ZNF250: variants seen among roughly 807,000 people sequenced by gnomAD.
The protein encoded by ZNF250 is zinc finger protein (clone 647).
A neutral mutation model predicts 37.1 loss-of-function variants in ZNF250; 13 were observed. The observed-to-expected ratio is 0.35, with a 90% confidence interval of 0.23 to 0.56. The LOEUF (loss-of-function observed/expected upper bound fraction) is 0.56, where lower values mean the gene tolerates loss of function less well. Among genes scored for constraint, ZNF250 ranks in the 20% least tolerant of loss-of-function variants. The pLI is 0.87. For synonymous variants in ZNF250, 251 were observed against 265.6 expected (o/e 0.94, Z 0.54); for missense variants, 474 against 697.9 (o/e 0.68, Z 3.61).
At chr8:144,888,206 T>C (rs573483696) in intron 4 of ZNF250, among the ~76,000 whole-genome samples, 5 of 152,388 alleles carry the variant, frequency 3.3e-5, no homozygotes, top group South Asian at 2.1e-4. Flanking sequence ...TGTACATCTT[T>C]TGTTAGATTA....
rs778531918 is a variant in ZNF250, at chr8:144,882,725, T to G, written c.458A>C (p.Asn153Thr). 1.2e-5 allele frequency: 19 copies of G among 1,613,910 alleles called. No homozygotes were observed. In the Admixed American group the frequency reaches 3.2e-4, roughly 27 times the overall value. ...ACAGAAGCTTTGCTTTGTTTCATTA[T>G]TTTCTTGATCAATCCTCCCCAAGGG... ...KTPLGRIDQE[N>T]NETKQSFCLS... Residue 153 changes from asparagine (N) to threonine (T), a missense_variant, in exon 6 of 6, where the codon AAT (asparagine) becomes ACT (threonine). Asn to Thr is a moderately conservative substitution (Grantham distance 65, BLOSUM62 0). This residue lies in a region of ZNF250 where 192 missense variants were observed against 227.5 expected (regional missense o/e 0.84). Coordinates refer to ENST00000417550, the MANE Select transcript of ZNF250 (RefSeq NM_001109689.4). This position sits in a 1 kb window ranked among gnomAD's most constrained non-coding sequence, Gnocchi z 5.5.
Position 144,890,458 on chromosome 8 carries a change from AG to A in ZNF250, c.-54-56del. The A allele has an allele frequency of 8.7e-7, 1 of 1,146,154 alleles. No homozygotes were observed. The highest frequency in any genetic ancestry group is 2.4e-5 in the South Asian group (1 of 42,422). 71.0% of individuals were successfully genotyped at this position (1,146,154 alleles called of 1,614,324 possible). A position where few individuals can be genotyped will look rare whatever the true frequency, so the allele number is the denominator to read the frequency against. ...CATGGCCTTGAGACCGTAACTTCCT[AG>A]GGGGCCCTCAGGGGATCCCTGGGCC... is the stretch of plus-strand genomic sequence containing the variant. On this transcript the variant is annotated intron_variant, in intron 1 of 5. Coordinates refer to ENST00000417550, the MANE Select transcript of ZNF250 (RefSeq NM_001109689.4). This position sits in a 1 kb window ranked among gnomAD's most constrained non-coding sequence, Gnocchi z 5.1.
chr8:144,890,246 G>A lies in ZNF250; in HGVS notation c.42+62C>T. The A allele has an allele frequency of 6.6e-7, 1 of 1,525,792 alleles. No homozygotes were observed. Among genetic ancestry groups the A allele is most frequent in the Non-Finnish European group, 8.9e-7 (1 of 1,119,106 alleles). 94.5% of individuals were successfully genotyped at this position (1,525,792 alleles called of 1,614,324 possible). On this transcript the variant is annotated intron_variant, in intron 2 of 5. Transcript: ENST00000417550. This position sits in a 1 kb window ranked among gnomAD's most constrained non-coding sequence, Gnocchi z 5.1. ...CTGGCTGCTCTTAGGAGCTCTACGG[G>A]GCACGGAAGGAACCACAGGGCTCGG...
upstream of ZNF250, chr8:144,901,765 T>C (rs1833124720): frequency 1.3e-5 from 2 of 152,618 alleles, no homozygotes; most frequent in African/African-American, 4.8e-5. This position sits in a 1 kb window ranked among gnomAD's most constrained non-coding sequence, Gnocchi z 5.4. Context: ...GCAGTCCCGG[T>C]TCCCGAGCTC....
chr8:144,899,117 A>G (rs1217080808), intron 1 of ZNF250, among the ~76,000 whole-genome samples: 1 of 152,198 alleles, frequency 6.6e-6, no homozygotes, highest in Non-Finnish European at 1.5e-5. Flanking sequence ...TAATTGAAAT[A>G]AGCCAGGTAC....
intron 1 of ZNF250, among the ~76,000 whole-genome samples, chr8:144,900,961 G>A (rs2129931328): frequency 6.6e-6 from 1 of 152,336 alleles, no homozygotes; most frequent in South Asian, 2.1e-4. Flanking sequence ...CGGGGGTCCG[G>A]ACTGCGCCCC....
intron 1 of ZNF250, among the ~76,000 whole-genome samples, chr8:144,892,445 TG>T (rs2129822619): frequency 6.6e-6 from 1 of 152,316 alleles, no homozygotes; most frequent in South Asian, 2.1e-4. Context: ...GACAGGTATG[TG>T]GGAAATTGGA....
Position 144,881,752 on chromosome 8 carries a change from T to C in ZNF250, c.1431A>G (p.Thr477=). The C allele has an allele frequency of 6.2e-7, 1 of 1,614,080 alleles. No individual in the cohort carries two copies. The highest frequency in any genetic ancestry group is 8.5e-7 in the Non-Finnish European group (1 of 1,179,974). Residue 477 remains threonine, a synonymous_variant, in exon 6 of 6, where the codon ACA becomes ACG. Coordinates refer to ENST00000417550, the MANE Select transcript of ZNF250 (RefSeq NM_001109689.4). ...TCAGGCTGAAGGCTTTGCCACATTCTGTGCACTGGAAGGGCTTTTCACCTG... is the reference window on the plus strand; with the variant it reads ...TCAGGCTGAAGGCTTTGCCACATTCCGTGCACTGGAAGGGCTTTTCACCTG... ...IHTGEKPFQC[T]ECGKAFSLKA...
intron 1 of ZNF250, among the ~76,000 whole-genome samples, chr8:144,900,502 G>A (rs1475571630): frequency 1.3e-5 from 2 of 152,158 alleles, no homozygotes; most frequent in South Asian, 2.1e-4. Context: ...GAGTGTCGGG[G>A]GGGATGACTT....
chr8:144,883,342 C>CTTTTTT (rs538221806), intron 5 of ZNF250, among the ~76,000 whole-genome samples: 4 of 140,882 alleles, frequency 2.8e-5, no homozygotes, highest in Admixed American at 1.4e-4. Flanking sequence ...AAAATAATTT[C>CTTTTTT]TTTTTTTTTT....
In ZNF250 at chr8:144,897,790, GA is replaced by G; in HGVS notation, c.-55+3608del. ...ACTAAAAGTATCCCTTATGGGAAAC[GA>G]AGGGATGGGCCGAATTAAAGGAATA... On this transcript the variant is annotated intron_variant, in intron 1 of 5. Transcript: ENST00000417550. This position sits in a 1 kb window ranked among gnomAD's most constrained non-coding sequence, Gnocchi z 5.2. Among the ~76,000 whole-genome samples the G allele has an allele frequency of 6.6e-6, 1 of 152,224 alleles. No individual in the cohort carries two copies. Among genetic ancestry groups the G allele is most frequent in the Non-Finnish European group, 1.5e-5 (1 of 68,016 alleles).
chr8:144,878,421 G>A lies in ZNF250; in HGVS notation c.*3094C>T, dbSNP rs923261308. ...TTTCATCTCCTTTCTAAAGTTAACA[G>A]CTTAGTGATCTCATTTCCTTTCTGA... is the stretch of plus-strand genomic sequence containing the variant. On this transcript the variant is annotated 3_prime_UTR_variant, in exon 6 of 6. Transcript: ENST00000417550. 2 of 152,178 alleles carry A rather than the reference G, an allele frequency of 1.3e-5. No individual in the cohort carries two copies. Among genetic ancestry groups the A allele is most frequent in the African/African-American group, 4.8e-5 (2 of 41,452 alleles). 9.4% of individuals were successfully genotyped at this position (152,178 alleles called of 1,614,324 possible). A position where few individuals can be genotyped will look rare whatever the true frequency, so the allele number is the denominator to read the frequency against.
In ZNF250 at chr8:144,882,664, C is replaced by A; in HGVS notation, c.519G>T (p.Gln173His). 1 of 1,614,000 alleles carries A rather than the reference C, an allele frequency of 6.2e-7. No individual in the cohort carries two copies. The highest frequency in any genetic ancestry group is 2.2e-5 in the East Asian group (1 of 44,886). Residue 173 changes from glutamine to histidine, a missense_variant, in exon 6 of 6, where the codon CAG becomes CAT. Coordinates refer to ENST00000417550, the MANE Select transcript of ZNF250 (RefSeq NM_001109689.4). This position sits in a 1 kb window ranked among gnomAD's most constrained non-coding sequence, Gnocchi z 5.5. The part of the protein sequence containing the change: ...SPNSVDHREV[Q>H]VLSQSMPLTP... Reference sequence around the variant, plus strand: ...TGAGTGGCATGCTTTGGCTTAAGACCTGAACTTCACGGTGGTCAACAGAGT... The same window carrying A: ...TGAGTGGCATGCTTTGGCTTAAGACATGAACTTCACGGTGGTCAACAGAGT...
intron 5 of ZNF250, among the ~76,000 whole-genome samples, chr8:144,884,158 C>A (rs1007331287): frequency 6.6e-6 from 1 of 152,180 alleles, no homozygotes; most frequent in African/African-American, 2.4e-5. Flanking sequence ...TTTTTGAGAT[C>A]CATCATGTTG....
rs539661842 is a variant in ZNF250 at position 144,901,102 on chromosome 8, G to A, written c.-55+297C>T. Among the ~76,000 whole-genome samples the A allele has an allele frequency of 6.6e-6, 1 of 152,024 alleles. No homozygotes were observed. ...GGACGCCGGTCTGACGGGGCCCAAG[G>A]GGGTAGGGGCGGGGAAGGGACCGAG... On this transcript the variant is annotated intron_variant, in intron 1 of 5. Coordinates refer to ENST00000417550, the MANE Select transcript of ZNF250 (RefSeq NM_001109689.4). This position sits in a 1 kb window ranked among gnomAD's most constrained non-coding sequence, Gnocchi z 5.4.
At position 144,882,022 on chromosome 8, in the gene ZNF250, C is replaced by T; in HGVS notation, c.1161G>A (p.Glu387=). Residue 387 remains glutamate (E), a synonymous_variant, in exon 6 of 6, where the codon GAG becomes GAA. Coordinates refer to ENST00000417550, the MANE Select transcript of ZNF250 (RefSeq NM_001109689.4). This position sits in a 1 kb window ranked among gnomAD's most constrained non-coding sequence, Gnocchi z 5.5. ...CACACTCACTGCACTCATAGGGCTTCTCCCCGGTGTGCACGTTGTGGTGCT... is the reference window on the plus strand; with the variant it reads ...CACACTCACTGCACTCATAGGGCTTTTCCCCGGTGTGCACGTTGTGGTGCT... The part of the protein sequence containing the change: ...LIQHHNVHTG[E]KPYECSECGK... 1 of 1,614,118 alleles carries T rather than the reference C, an allele frequency of 6.2e-7. No individual in the cohort carries two copies. The highest frequency in any genetic ancestry group is 8.5e-7 in the Non-Finnish European group (1 of 1,180,026).
In ZNF250 at chr8:144,881,931, A is replaced by T; in HGVS notation, c.1252T>A (p.Tyr418Asn). 6.2e-7 allele frequency: 1 copy of T among 1,613,744 alleles called. No individual in the cohort carries two copies. Among genetic ancestry groups the T allele is most frequent in the Non-Finnish European group, 8.5e-7 (1 of 1,179,966 alleles). ...HERIHTEEKP[Y>N]ACYECGKAFV... ...GCCTTCCCACATTCGTAGCATGCATAGGGCTTTTCCTCGGTGTGGATCCGC... is the reference window on the plus strand; with the variant it reads ...GCCTTCCCACATTCGTAGCATGCATTGGGCTTTTCCTCGGTGTGGATCCGC... Residue 418 changes from tyrosine to asparagine, a missense_variant, in exon 6 of 6, where the codon TAT becomes AAT. By Grantham distance (143) the Tyr-to-Asn change is moderately radical (BLOSUM62 -2). Transcript: ENST00000417550.
intron 4 of ZNF250, 68 bp from the exon 5 acceptor site, chr8:144,886,970 G>C: frequency 7.1e-7 from 1 of 1,412,264 alleles, no homozygotes; most frequent in East Asian, 2.3e-5. Context: ...ATCCTGGCCG[G>C]GCATGGTGGC....
chr8:144,887,153 G>A (rs555488012), intron 4 of ZNF250, among the ~76,000 whole-genome samples: 3 of 150,736 alleles, frequency 2.0e-5, no homozygotes, highest in East Asian at 1.9e-4. Flanking sequence ...GGGAAGCTGA[G>A]GCAGGAGAAT....
Sources: allele counts gnomAD v4.1 joint callset (sites outside exome capture counted in the v4.1 genomes callset), GRCh38; gene constraint gnomAD v4.1.1; regional missense constraint gnomAD v4.1.1; non-coding constraint Gnocchi (gnomAD v3.1); transcripts MANE v1.5; gene names NCBI Gene and HGNC (gene_info 2026-07-23, HGNC 2026-07-21).